COL28A1: variants seen among roughly 807,000 people sequenced by gnomAD.
The protein encoded by COL28A1 is collagen alpha-1(XXVIII) chain.
A neutral mutation model predicts 150.2 loss-of-function variants in COL28A1; 161 were observed. The observed-to-expected ratio is 1.07, with a 90% CI of 0.94 to 1.22. The LOEUF is 1.22. Ranked by LOEUF, COL28A1 falls within the 50% of genes most tolerant of loss-of-function variation. The pLI is 0.00. For synonymous variants in COL28A1, 552 were observed against 469.7 expected, an observed-to-expected ratio of 1.18 and a Z score of -2.26; for missense variants, 1,617 against 1,388.3, an observed-to-expected ratio of 1.16 and a Z score of -2.62.
chr7:7,417,680 T>C (rs1479583337), intron 27 of COL28A1, 179 bp downstream of exon 27: 5 of 643,520 alleles, frequency 7.8e-6, no homozygotes, highest in Non-Finnish European at 1.4e-5. Flanking sequence ...TTTGCTGAAG[T>C]ATTGTACTCA....
chr7:7,438,948 C>G (rs778585513), intron 21 of COL28A1, among the ~76,000 whole-genome samples: 1 of 152,196 alleles, frequency 6.6e-6, no homozygotes, highest in Non-Finnish European at 1.5e-5. Flanking sequence ...TATTTACTAT[C>G]TGGACCTTTA....
At chr7:7,356,210 A>C (rs1780349636), downstream of COL28A1, 1 of 152,216 alleles carries the variant, frequency 6.6e-6, no homozygotes, top group African/African-American at 2.4e-5. Context: ...CCATTTTTGT[A>C]AAACTGTAAA....
chr7:7,359,910 G>T lies in COL28A1; in HGVS notation c.3205+480C>A, dbSNP rs1007673310. Among the ~76,000 whole-genome samples, 9 of 152,046 alleles carry T rather than the reference G, an allele frequency of 5.9e-5. No homozygotes were observed. In the South Asian group the frequency reaches 6.2e-4, roughly 11 times the overall value. The stretch of plus-strand genomic sequence containing the variant: ...GCACAAAAATTGTCTCTCATGTTCT[G>T]CAGAAAATATGTACATAATAATACA... On this transcript the variant is annotated intron_variant, in intron 34 of 34. Coordinates refer to ENST00000399429, the MANE Select transcript of COL28A1 (RefSeq NM_001037763.3).
chr7:7,431,351 C>G (rs1249965171), intron 25 of COL28A1: 1 of 328,194 alleles, frequency 3.0e-6, no homozygotes, highest in Non-Finnish European at 6.1e-6. Flanking sequence ...CCAGGAAAAC[C>G]TTCACTCTCA....
At chr7:7,453,551 T>C in intron 16 of COL28A1, 43 bp from the exon 17 acceptor site, 1 of 842,684 alleles carries the variant, frequency 1.2e-6, no homozygotes, top group Non-Finnish European at 2.0e-6. Context: ...TGAAATGAAG[T>C]AGTTTCAAAT....
At chr7:7,456,591 TA>T (rs1451238627) in intron 15 of COL28A1, among the ~76,000 whole-genome samples, 4 of 152,224 alleles carry the variant, frequency 2.6e-5, no homozygotes, top group African/African-American at 9.6e-5. Flanking sequence ...GCAGCAAAAT[TA>T]AACAGCCCTA....
In COL28A1 at chr7:7,368,948, A is replaced by G. The variant is rs114282398; in HGVS notation, c.3066+1777T>C. 9.5e-3 allele frequency among the ~76,000 whole-genome samples: 1,446 copies of G among 152,286 alleles called. 23 individuals carry two copies. The highest frequency in any genetic ancestry group is 0.032 in the African/African-American group (1,345 of 41,532). On this transcript the variant is annotated intron_variant, in intron 33 of 34. Transcript: ENST00000399429. ...TCTTGTACTTACCTATCTCCCTGAA[A>G]AAATGTGAGCTTCTCTCAGGCAGGA... is the stretch of plus-strand genomic sequence containing the variant.
chr7:7,432,458 A>G lies in COL28A1; in HGVS notation c.1998+15T>C. On this transcript the variant is annotated intron_variant, in intron 25 of 34. Coordinates refer to ENST00000399429, the MANE Select transcript of COL28A1 (RefSeq NM_001037763.3). ...ACTCTTAGAAGCTAGTACGTTGCCT[A>G]CTTTAAAGTCTTACCTTTGCTCCAG... 1 of 1,612,162 alleles carries G rather than the reference A, an allele frequency of 6.2e-7. No individual in the cohort carries two copies. The highest frequency in any genetic ancestry group is 8.5e-7 in the Non-Finnish European group (1 of 1,178,206).
intron 11 of COL28A1, among the ~76,000 whole-genome samples, chr7:7,494,629 G>C (rs549815670): frequency 2.3e-4 from 35 of 152,200 alleles, no homozygotes; most frequent in African/African-American, 8.2e-4. Context: ...CTAATAATAG[G>C]TAAATAACAA....
At chr7:7,498,192 A>G (rs1279703954) in intron 11 of COL28A1, among the ~76,000 whole-genome samples, 2 of 152,170 alleles carry the variant, frequency 1.3e-5, no homozygotes, top group African/African-American at 4.8e-5. Context: ...TAGGAAAGTC[A>G]TACTTCATTA....
chr7:7,417,930 G>A lies in COL28A1; in HGVS notation c.2068-3C>T. ...AAGCCTTTCTGCCCAGTATCACCCT[G>A]TTAGAAGATGGGGAGAATTTGAAGA... On this transcript the variant is annotated splice_polypyrimidine_tract_variant and splice_region_variant and intron_variant, in intron 26 of 34. Transcript: ENST00000399429. The A allele has an allele frequency of 6.2e-7, 1 of 1,602,930 alleles. No homozygotes were observed. Among genetic ancestry groups the A allele is most frequent in the Non-Finnish European group, 8.5e-7 (1 of 1,176,206 alleles).
intron 13 of COL28A1, 27 bp downstream of exon 13, chr7:7,489,351 TTGTCCTTTTCA>T: frequency 1.1e-6 from 1 of 896,648 alleles, no homozygotes; most frequent in Non-Finnish European, 1.9e-6. Flanking sequence ...AAAACTATAT[TTGTCCTTTTCA>T]TTCCATCTAG....
intron 27 of COL28A1, among the ~76,000 whole-genome samples, chr7:7,416,221 T>C (rs866122039): frequency 3.9e-5 from 6 of 152,222 alleles, no homozygotes; most frequent in African/African-American, 1.4e-4. Flanking sequence ...GTGGCAGTTT[T>C]GATTTTGGTG....
the COL28A1 span, among the ~76,000 whole-genome samples, chr7:7,543,199 T>C: frequency 6.6e-6 from 1 of 152,186 alleles, no homozygotes; most frequent in Non-Finnish European, 1.5e-5. Context: ...CAATCTATGG[T>C]TGTAATTGAT....
intron 18 of COL28A1, among the ~76,000 whole-genome samples, chr7:7,449,567 A>G (rs2128327524): frequency 6.6e-6 from 1 of 152,140 alleles, no homozygotes; most frequent in Middle Eastern, 3.4e-3. Flanking sequence ...CTAAAAAATA[A>G]TAGGCAAAAC....
rs905886986 is a variant in COL28A1, at chr7:7,474,415, C to T, written c.1302+186G>A. Reference sequence around the variant, plus strand: ...AAGAACTTACTCATGTAACCTATCACCACCTGTTCCCAAATAACCTGTGGA... The same window carrying T: ...AAGAACTTACTCATGTAACCTATCATCACCTGTTCCCAAATAACCTGTGGA... On this transcript the variant is annotated intron_variant, in intron 15 of 34. Transcript: ENST00000399429. Among the ~76,000 whole-genome samples, 14 of 152,004 alleles carry T rather than the reference C, an allele frequency of 9.2e-5. 1 individual carries two copies. Among genetic ancestry groups the T allele is most frequent in the African/African-American group, 3.4e-4 (14 of 41,390 alleles).
chr7:7,493,048 TTAATATA>T (rs1467477045), intron 11 of COL28A1, among the ~76,000 whole-genome samples: 1 of 143,936 alleles, frequency 6.9e-6, no homozygotes, highest in East Asian at 2.0e-4. Context: ...ATATATAACA[TTAATATA>T]TAATATATAT....
intron 33 of COL28A1, among the ~76,000 whole-genome samples, chr7:7,364,939 T>C (rs527734898): frequency 3.3e-5 from 5 of 152,318 alleles, no homozygotes; most frequent in Non-Finnish European, 7.3e-5. Flanking sequence ...TTAATAAGGA[T>C]ATGCAAAGAG....
At chr7:7,488,879 A>G (rs1264564317) in intron 13 of COL28A1, among the ~76,000 whole-genome samples, 1 of 152,240 alleles carries the variant, frequency 6.6e-6, no homozygotes, top group East Asian at 1.9e-4. Context: ...AAGAAGTTAC[A>G]GTAAAAGAGA....
Sources: allele counts gnomAD v4.1 joint callset (sites outside exome capture counted in the v4.1 genomes callset), GRCh38; gene constraint gnomAD v4.1.1; transcripts MANE v1.5; gene names NCBI Gene and HGNC (gene_info 2026-07-23, HGNC 2026-07-21).